NXPH1: variants seen among roughly 807,000 people sequenced by gnomAD.
NXPH1 encodes the protein neurexophilin 1, also known as neurexophilin-1.
NXPH1 carries 5 observed loss-of-function variants against 23.7 expected under a neutral mutation model. The observed-to-expected ratio is 0.21, with a 90% CI of 0.11 to 0.44. The LOEUF (loss-of-function observed/expected upper bound fraction) is 0.44, where lower values mean the gene tolerates loss of function less well. Ranked by LOEUF, NXPH1 falls within the 20% of genes least tolerant of loss-of-function variation. NXPH1 has a pLI of 0.99. For synonymous variants in NXPH1, 144 were observed against 122.2 expected, an observed-to-expected ratio of 1.18 and a Z score of -1.18; for missense variants, 324 against 321.6, an observed-to-expected ratio of 1.01 and a Z score of -0.06.
chr7:8,677,120 A>T lies in NXPH1; in HGVS notation c.55-73888A>T, dbSNP rs141427534. ...TCTTGACAACAGACAGCAAAGTTAT[A>T]GATGTACTTTGTTTCATACTAATCT... is the stretch of plus-strand genomic sequence containing the variant. On this transcript the variant is annotated intron_variant, in intron 2 of 2. Coordinates refer to ENST00000405863, the MANE Select transcript of NXPH1 (RefSeq NM_152745.3). Among the ~76,000 whole-genome samples the T allele has an allele frequency of 2.6e-5, 4 of 152,342 alleles. No individual in the cohort carries two copies. In the East Asian group the frequency reaches 5.8e-4, roughly 22 times the overall value.
At chr7:8,507,695 T>C in intron 2 of NXPH1, among the ~76,000 whole-genome samples, 1 of 152,076 alleles carries the variant, frequency 6.6e-6, no homozygotes, top group East Asian at 1.9e-4. Flanking sequence ...GAGTGTTACA[T>C]TAGAAAGATA....
At chr7:8,531,350 G>A (rs946248069) in intron 2 of NXPH1, among the ~76,000 whole-genome samples, 1 of 152,184 alleles carries the variant, frequency 6.6e-6, no homozygotes, top group Non-Finnish European at 1.5e-5. Flanking sequence ...ACATAATAAT[G>A]TCATACTCTA....
intron 2 of NXPH1, among the ~76,000 whole-genome samples, chr7:8,502,845 G>A (rs533719364): frequency 3.5e-4 from 53 of 151,788 alleles, no homozygotes; most frequent in Non-Finnish European, 5.9e-4. Flanking sequence ...ACAGAGATGG[G>A]CTGGGCCTCC....
chr7:8,584,416 T>A (rs1818940359), intron 2 of NXPH1, among the ~76,000 whole-genome samples: 1 of 152,204 alleles, frequency 6.6e-6, no homozygotes. Context: ...AAAGCTTTAG[T>A]TTATTTAACA....
intron 2 of NXPH1, among the ~76,000 whole-genome samples, chr7:8,511,975 G>T (rs775361844): frequency 1.3e-5 from 2 of 152,098 alleles, no homozygotes; most frequent in Non-Finnish European, 2.9e-5. Context: ...GGCCCTTGGC[G>T]CTCAGCCAGG....
intron 2 of NXPH1, among the ~76,000 whole-genome samples, chr7:8,748,711 T>A (rs1583260251): frequency 6.6e-6 from 1 of 152,210 alleles, no homozygotes; most frequent in East Asian, 1.9e-4. Context: ...AGTTCACAGT[T>A]TTTTTTGTTA....
intron 2 of NXPH1, among the ~76,000 whole-genome samples, chr7:8,491,901 T>C (rs1217862886): frequency 6.6e-6 from 1 of 152,070 alleles, no homozygotes; most frequent in Non-Finnish European, 1.5e-5. Context: ...CGCCTTTTAG[T>C]TTATGATCAA....
At chr7:8,551,505 T>C (rs1332786175) in intron 2 of NXPH1, among the ~76,000 whole-genome samples, 1 of 151,516 alleles carries the variant, frequency 6.6e-6, no homozygotes, top group Non-Finnish European at 1.5e-5. Context: ...TGATGAATTA[T>C]ATATAACGCA....
chr7:8,710,198 G>A lies in NXPH1; in HGVS notation c.55-40810G>A, dbSNP rs567434537. 8.5e-5 allele frequency among the ~76,000 whole-genome samples: 13 copies of A among 152,216 alleles called. No homozygotes were observed. In the South Asian group the frequency reaches 2.7e-3, roughly 32 times the overall value. Reference sequence around the variant, plus strand: ...TTGAGCTCTTGATTAGAAGAGGAGGGGTCCTGCAAGTTGAGCAGTTTATTC... The same window carrying A: ...TTGAGCTCTTGATTAGAAGAGGAGGAGTCCTGCAAGTTGAGCAGTTTATTC... On this transcript the variant is annotated intron_variant, in intron 2 of 2. Transcript: ENST00000405863.
chr7:8,750,329 A>G (rs957835101), intron 2 of NXPH1, among the ~76,000 whole-genome samples: 2 of 152,196 alleles, frequency 1.3e-5, no homozygotes, highest in Admixed American at 6.5e-5. Context: ...TCATATTTAT[A>G]TATTTCTTCT....
At chr7:8,632,410 A>T (rs776788814) in intron 2 of NXPH1, among the ~76,000 whole-genome samples, 1 of 152,144 alleles carries the variant, frequency 6.6e-6, no homozygotes, top group Non-Finnish European at 1.5e-5. Context: ...TAGATGTATA[A>T]CTTTATGTCT....
At chr7:8,468,424 C>A (rs750984040) in intron 2 of NXPH1, among the ~76,000 whole-genome samples, 5 of 152,236 alleles carry the variant, frequency 3.3e-5, no homozygotes, top group Admixed American at 1.3e-4. Flanking sequence ...AAAAGCTATG[C>A]TTGCAACAAT....
intron 2 of NXPH1, among the ~76,000 whole-genome samples, chr7:8,747,740 A>G (rs1007964185): frequency 2.6e-5 from 4 of 151,872 alleles, no homozygotes; most frequent in African/African-American, 9.7e-5. Context: ...GCAGATTCAG[A>G]TGTTTAATCA....
intron 2 of NXPH1, among the ~76,000 whole-genome samples, chr7:8,585,559 C>T (rs902535729): frequency 6.6e-6 from 1 of 152,136 alleles, no homozygotes; most frequent in Non-Finnish European, 1.5e-5. Context: ...TCTTGCTGCT[C>T]TTACATTGAA....
At chr7:8,734,767 G>T (rs1001462668) in intron 2 of NXPH1, among the ~76,000 whole-genome samples, 2 of 152,076 alleles carry the variant, frequency 1.3e-5, no homozygotes, top group African/African-American at 4.8e-5. Flanking sequence ...CTGTCTCATT[G>T]ATCTGTCTAA....
intron 2 of NXPH1, among the ~76,000 whole-genome samples, chr7:8,537,163 G>GACGGATGA (rs1420905437): frequency 1.3e-5 from 2 of 151,800 alleles, no homozygotes; most frequent in East Asian, 3.9e-4. Flanking sequence ...CAATTACCTG[G>GACGGATGA]ACGGATGAAC....
At chr7:8,592,380 T>C (rs1310681770) in intron 2 of NXPH1, among the ~76,000 whole-genome samples, 1 of 152,042 alleles carries the variant, frequency 6.6e-6, no homozygotes, top group Non-Finnish European at 1.5e-5. Flanking sequence ...GTGCATTTCA[T>C]GGTTATAGTT....
intron 2 of NXPH1, among the ~76,000 whole-genome samples, chr7:8,650,216 T>C (rs1204393198): frequency 1.3e-5 from 2 of 152,224 alleles, no homozygotes; most frequent in Non-Finnish European, 2.9e-5. Context: ...TTAAAATGAA[T>C]TAGAAACTTC....
rs1005333750 is a variant in NXPH1, at chr7:8,676,531, G to T, written c.55-74477G>T. On this transcript the variant is annotated intron_variant, in intron 2 of 2. Coordinates refer to ENST00000405863, the MANE Select transcript of NXPH1 (RefSeq NM_152745.3). Reference sequence around the variant, plus strand: ...TTAAAATGTCACTTTGTCTAGCAAAGTGTAAGCTCACAGAAATGTGTGGAT... The same window carrying T: ...TTAAAATGTCACTTTGTCTAGCAAATTGTAAGCTCACAGAAATGTGTGGAT... Among the ~76,000 whole-genome samples, 4 of 152,150 alleles carry T rather than the reference G, an allele frequency of 2.6e-5. No individual in the cohort carries two copies. The East Asian group carries it at 7.7e-4, about 29-fold the overall frequency.
Sources: gnomAD v4.1 joint callset for allele counts (sites outside exome capture counted in the v4.1 genomes callset) on GRCh38, gnomAD v4.1.1 for gene constraint, MANE v1.5 for transcripts, NCBI Gene and HGNC (gene_info 2026-07-23, HGNC 2026-07-21) for gene names.